FHIT: variants seen among roughly 807,000 people sequenced by gnomAD.
The protein encoded by FHIT is fragile histidine triad diadenosine triphosphatase.
Under a neutral mutation model 17.9 loss-of-function variants are expected in FHIT, and 19 were observed. The observed-to-expected ratio is 1.06, with a 90% CI of 0.74 to 1.56. The LOEUF is 1.56. Among genes scored for constraint, FHIT ranks in the 40% most tolerant of loss-of-function variants. The pLI is 0.00. For missense variants in FHIT, 248 were observed against 189.2 expected (o/e 1.31, Z -1.82); for synonymous variants, 81 against 69.7 (o/e 1.16, Z -0.81).
intron 8 of FHIT, among the ~76,000 whole-genome samples, chr3:59,799,692 T>C (rs1486345248): frequency 1.3e-5 from 2 of 152,198 alleles, no homozygotes; most frequent in African/African-American, 4.8e-5. Flanking sequence ...TTTCATTTAG[T>C]TGGTGATATT....
At chr3:60,032,332 G>C (rs35607797) in intron 5 of FHIT, among the ~76,000 whole-genome samples, 20,889 of 151,916 alleles carry the variant, frequency 0.14, 1,526 homozygotes, top group Middle Eastern at 0.15. Flanking sequence ...TGCACGTGTG[G>C]TCTCAGCTAC....
rs368782715 is a variant in FHIT at position 60,209,735 on chromosome 3, C to T, written c.104-195583G>A. 9.2e-5 allele frequency among the ~76,000 whole-genome samples: 14 copies of T among 152,036 alleles called. No homozygotes were observed. The East Asian group carries it at 1.5e-3, about 17-fold the overall frequency. ...TCAAGAAAATGTGGTACATATACAC[C>T]ATGGAATAGTACACAGCCATAAAAA... On this transcript the variant is annotated intron_variant, in intron 5 of 9. Coordinates refer to ENST00000492590, the MANE Select transcript of FHIT (RefSeq NM_002012.4).
At chr3:60,337,514 GA>G (rs1318554416) in intron 5 of FHIT, among the ~76,000 whole-genome samples, 1 of 152,122 alleles carries the variant, frequency 6.6e-6, no homozygotes, top group African/African-American at 2.4e-5. Flanking sequence ...TACTAATTTT[GA>G]AATACATGTT....
chr3:60,324,726 T>C (rs947646941), intron 5 of FHIT, among the ~76,000 whole-genome samples: 3 of 152,200 alleles, frequency 2.0e-5, no homozygotes, highest in Admixed American at 6.5e-5. Context: ...ATTTGATTAC[T>C]TGAAAATTAT....
intron 7 of FHIT, among the ~76,000 whole-genome samples, chr3:59,999,093 T>C (rs774506872): frequency 4.6e-5 from 7 of 152,088 alleles, no homozygotes; most frequent in African/African-American, 7.2e-5. Context: ...TAATAATCCA[T>C]TGATGTCCCT....
In FHIT at chr3:60,644,126, C is replaced by A. The variant is rs376187218; in HGVS notation, c.-17-107147G>T. ...ATTTCAAATACTTCCTCTTACTATC[C>A]TGAAGGCCATATTTTAGGAAATGCT... On this transcript the variant is annotated intron_variant, in intron 4 of 9. Transcript: ENST00000492590. Among the ~76,000 whole-genome samples the A allele has an allele frequency of 1.8e-4, 28 of 152,270 alleles. 1 individual carries two copies. Among genetic ancestry groups the A allele is most frequent in the African/African-American group, 6.5e-4 (27 of 41,554 alleles).
At chr3:60,492,219 G>A (rs2034095832) in intron 5 of FHIT, among the ~76,000 whole-genome samples, 1 of 152,094 alleles carries the variant, frequency 6.6e-6, no homozygotes, top group Non-Finnish European at 1.5e-5. Context: ...TATGTGGAAG[G>A]AACAGGCAAC....
intron 7 of FHIT, among the ~76,000 whole-genome samples, chr3:59,980,204 C>T (rs1708592055): frequency 6.6e-6 from 1 of 152,146 alleles, no homozygotes. Context: ...TCTTCATGAT[C>T]ATCACAAATT....
At chr3:61,117,415 T>C (rs1434772203) in intron 2 of FHIT, among the ~76,000 whole-genome samples, 2 of 152,106 alleles carry the variant, frequency 1.3e-5, no homozygotes, top group Admixed American at 1.3e-4. Context: ...AAATGAGCCA[T>C]GAGATACGGT....
intron 5 of FHIT, among the ~76,000 whole-genome samples, chr3:60,123,259 G>A (rs112255532): frequency 9.2e-5 from 14 of 152,290 alleles, no homozygotes; most frequent in Non-Finnish European, 1.9e-4. Context: ...AGAAGCACAT[G>A]AGATAAGCGA....
chr3:59,912,904 T>C (rs775312787), intron 8 of FHIT, among the ~76,000 whole-genome samples: 8 of 152,172 alleles, frequency 5.3e-5, no homozygotes, highest in Non-Finnish European at 2.9e-5. Context: ...ATGACATGAA[T>C]ACACTATAGG....
At chr3:60,222,399 G>A (rs1230840757) in intron 5 of FHIT, among the ~76,000 whole-genome samples, 3 of 152,134 alleles carry the variant, frequency 2.0e-5, no homozygotes, top group Non-Finnish European at 4.4e-5. Flanking sequence ...GTGTATTACA[G>A]GTACCAACTT....
intron 8 of FHIT, among the ~76,000 whole-genome samples, chr3:59,815,637 T>G (rs1366444706): frequency 6.6e-6 from 1 of 151,986 alleles, no homozygotes; most frequent in African/African-American, 2.4e-5. Context: ...AACTCAGGAA[T>G]GAAAAACCGA....
intron 7 of FHIT, among the ~76,000 whole-genome samples, chr3:60,003,720 G>C (rs1370541635): frequency 6.6e-6 from 1 of 152,050 alleles, no homozygotes; most frequent in Admixed American, 6.6e-5. Context: ...ACTTCAGCCT[G>C]GGCAACAAAG....
rs797023617 is a variant in FHIT at position 60,795,336 on chromosome 3, G to C, written c.-18+26583C>G. 3.3e-5 allele frequency among the ~76,000 whole-genome samples: 5 copies of C among 152,238 alleles called. 1 individual carries two copies. The highest frequency in any genetic ancestry group is 1.2e-4 in the African/African-American group (5 of 41,570). On this transcript the variant is annotated intron_variant, in intron 4 of 9. Transcript: ENST00000492590. The stretch of plus-strand genomic sequence containing the variant: ...TTTAAGATCTTTGATAACTGCTTCA[G>C]ATTTTTCCGATGTTATTAAAGTTCT...
At chr3:61,012,718 A>G (rs967465743) in intron 3 of FHIT, among the ~76,000 whole-genome samples, 1 of 151,474 alleles carries the variant, frequency 6.6e-6, no homozygotes, top group Non-Finnish European at 1.5e-5. Flanking sequence ...AATATAAGAA[A>G]TACATATTTT....
intron 8 of FHIT, among the ~76,000 whole-genome samples, chr3:59,801,540 A>G (rs1699993195): frequency 6.6e-6 from 1 of 152,162 alleles, no homozygotes; most frequent in African/African-American, 2.4e-5. Flanking sequence ...GACTTTAAAA[A>G]AGAAAAACAA....
At chr3:60,951,809 T>C (rs771327614) in intron 3 of FHIT, among the ~76,000 whole-genome samples, 1 of 152,208 alleles carries the variant, frequency 6.6e-6, no homozygotes, top group Non-Finnish European at 1.5e-5. Flanking sequence ...CTAGTATTTA[T>C]AGTTATAGCA....
intron 5 of FHIT, among the ~76,000 whole-genome samples, chr3:60,499,389 C>T (rs1056909992): frequency 1.3e-5 from 2 of 152,094 alleles, no homozygotes; most frequent in African/African-American, 4.8e-5. Flanking sequence ...ATGCTTCACC[C>T]CCACAGGTCT....
Sources: gnomAD v4.1 joint callset for allele counts (sites outside exome capture counted in the v4.1 genomes callset) on GRCh38, gnomAD v4.1.1 for gene constraint, MANE v1.5 for transcripts, NCBI Gene and HGNC (gene_info 2026-07-23, HGNC 2026-07-21) for gene names.